CES5A: variants seen among roughly 807,000 people sequenced by gnomAD.
CES5A encodes the protein carboxylesterase 5A, also known as carboxylesterase 5.
CES5A carries 67 observed loss-of-function variants against 62.9 expected under a neutral mutation model. The observed-to-expected ratio is 1.07, with a 90% CI of 0.88 to 1.31. CES5A has a LOEUF of 1.31. CES5A is among the 50% of genes most tolerant of loss of function. The pLI is 0.00. For missense variants in CES5A, 748 were observed against 708.5 expected (o/e 1.06, Z -0.63); for synonymous variants, 296 against 280.8 (o/e 1.05, Z -0.54).
At chr16:55,922,389 T>C (rs1286534903) in intron 1 of CES5A, among the ~76,000 whole-genome samples, 1 of 151,796 alleles carries the variant, frequency 6.6e-6, no homozygotes, top group Non-Finnish European at 1.5e-5. Flanking sequence ...GGAGCAGAAG[T>C]AGTTATACTT....
Position 55,866,846 on chromosome 16 carries a change from TA to T in CES5A, c.552-731del, listed in dbSNP as rs1218821229. Among the ~76,000 whole-genome samples the T allele has an allele frequency of 2.6e-5, 4 of 151,020 alleles. No homozygotes were observed. In the South Asian group the frequency reaches 8.4e-4, roughly 32 times the overall value. ...GAGTGAGGCTCTGTCTCAAAAAAAA[TA>T]AAAATAAAAAAATAAACAAACAAAC... On this transcript the variant is annotated intron_variant, in intron 4 of 12. Coordinates refer to ENST00000290567, the MANE Select transcript of CES5A (RefSeq NM_001143685.2).
At chr16:55,864,589 A>G (rs1299631996) in intron 5 of CES5A, among the ~76,000 whole-genome samples, 5 of 152,234 alleles carry the variant, frequency 3.3e-5, no homozygotes, top group African/African-American at 1.2e-4. Flanking sequence ...TTGATAAAGG[A>G]TGGCTAAAAA....
chr16:55,955,917 C>T, exon 1 of CES5A: 2 of 1,535,792 alleles, frequency 1.3e-6, no homozygotes, highest in African/African-American at 2.7e-5. Flanking sequence ...CACAAAACCT[C>T]AGCATCCCAG....
chr16:55,878,880 CCCA>C (rs1360993311), upstream of CES5A, among the ~76,000 whole-genome samples: 1 of 148,382 alleles, frequency 6.7e-6, no homozygotes, highest in Non-Finnish European at 1.5e-5. Flanking sequence ...CCACTGCACC[CCCA>C]CCATTTAACC....
At chr16:55,864,656 A>G (rs1597119827) in intron 5 of CES5A, among the ~76,000 whole-genome samples, 1 of 152,300 alleles carries the variant, frequency 6.6e-6, no homozygotes, top group South Asian at 2.1e-4. Context: ...GCACTTTGGG[A>G]AGCCAAAGCA....
At chr16:55,859,099 G>A (rs1188858891) in intron 8 of CES5A, among the ~76,000 whole-genome samples, 30 of 152,162 alleles carry the variant, frequency 2.0e-4, no homozygotes, top group African/African-American at 7.2e-4. Flanking sequence ...AAAATAAAAT[G>A]ATTTAACAAT....
Position 55,854,532 on chromosome 16 carries a change from T to TTTTTTTTTTC in CES5A, c.1126-1505_1126-1504insGAAAAAAAAA, listed in dbSNP as rs1555479329. On this transcript the variant is annotated intron_variant, in intron 9 of 12. Coordinates refer to ENST00000290567, the MANE Select transcript of CES5A (RefSeq NM_001143685.2). ...GAGGGATATCTGCCTGTAGTGTTTCTTTTTTTTTTTTCTTTTTTTTTTTTT... is the reference window on the plus strand; with the variant it reads ...GAGGGATATCTGCCTGTAGTGTTTCTTTTTTTTTTCTTTTTTTTTTTCTTTTTTTTTTTTT... Among the ~76,000 whole-genome samples, 239 of 59,124 alleles carry TTTTTTTTTTC rather than the reference T, an allele frequency of 4.0e-3. 2 individuals are homozygous for TTTTTTTTTTC. Among genetic ancestry groups the TTTTTTTTTTC allele is most frequent in the East Asian group, 0.028 (35 of 1,242 alleles). 38.8% of individuals were successfully genotyped at this position (59,124 alleles called of 152,430 possible).
intron 11 of CES5A, among the ~76,000 whole-genome samples, chr16:55,847,613 C>CA: frequency 6.6e-6 from 1 of 152,222 alleles, no homozygotes; most frequent in East Asian, 1.9e-4. Flanking sequence ...CCTTTCTACA[C>CA]ATCTGGCAGG....
In CES5A at chr16:55,862,023, T is replaced by C. The variant is rs1253034921; in HGVS notation, c.811-507A>G. 2.0e-5 allele frequency among the ~76,000 whole-genome samples: 3 copies of C among 152,312 alleles called. No individual in the cohort carries two copies. In the East Asian group the frequency reaches 5.8e-4, roughly 29 times the overall value. Reference sequence around the variant, plus strand: ...GGCCCACTCACAGCCTGGAATGTCCTACCTGTCTTTTTCCCTGCCTCTATA... The same window carrying C: ...GGCCCACTCACAGCCTGGAATGTCCCACCTGTCTTTTTCCCTGCCTCTATA... On this transcript the variant is annotated intron_variant, in intron 6 of 12. Coordinates refer to ENST00000290567, the MANE Select transcript of CES5A (RefSeq NM_001143685.2).
upstream of CES5A, among the ~76,000 whole-genome samples, chr16:55,876,417 G>A (rs1356376323): frequency 6.6e-6 from 1 of 152,154 alleles, no homozygotes; most frequent in Non-Finnish European, 1.5e-5. Context: ...TACAACGAAA[G>A]GGTGGTGTAT....
intron 4 of CES5A, among the ~76,000 whole-genome samples, chr16:55,868,714 G>T (rs2033518413): frequency 6.6e-6 from 1 of 152,062 alleles, no homozygotes; most frequent in Non-Finnish European, 1.5e-5. Flanking sequence ...CATAATCCTG[G>T]CCCCACCTCT....
intron 1 of CES5A, among the ~76,000 whole-genome samples, chr16:55,889,494 A>G (rs1249287377): frequency 6.6e-6 from 1 of 152,176 alleles, no homozygotes; most frequent in Admixed American, 6.5e-5. Flanking sequence ...ATTGGAAAGG[A>G]TATTACAAAG....
At chr16:55,871,844 G>T in intron 2 of CES5A, 81 bp from the exon 3 acceptor site, 1 of 1,498,282 alleles carries the variant, frequency 6.7e-7, no homozygotes, top group South Asian at 1.2e-5. Context: ...CTGACAGCGG[G>T]GAGGCCTGGC....
At chr16:55,896,633 C>A (rs552295294) in intron 1 of CES5A, among the ~76,000 whole-genome samples, 18 of 152,330 alleles carry the variant, frequency 1.2e-4, no homozygotes, top group African/African-American at 4.3e-4. Flanking sequence ...AAGGCTGGGG[C>A]CAGAACCCAG....
intron 1 of CES5A, among the ~76,000 whole-genome samples, chr16:55,954,231 T>C (rs1254087581): frequency 6.6e-6 from 1 of 152,204 alleles, no homozygotes; most frequent in African/African-American, 2.4e-5. Context: ...ATCAAACACC[T>C]GCCTGTTGAT....
intron 1 of CES5A, among the ~76,000 whole-genome samples, chr16:55,890,419 A>C (rs1436373337): frequency 1.3e-5 from 2 of 152,026 alleles, no homozygotes; most frequent in Non-Finnish European, 2.9e-5. Flanking sequence ...GTGGAGGTAA[A>C]TATAGAAGAG....
intron 3 of CES5A, among the ~76,000 whole-genome samples, chr16:55,871,398 A>C (rs2142411239): frequency 6.6e-6 from 1 of 152,354 alleles, no homozygotes; most frequent in Non-Finnish European, 1.5e-5. Flanking sequence ...GGGGAAAACA[A>C]AACAAAATAA....
chr16:55,846,630 G>T lies in CES5A; in HGVS notation c.1549C>A (p.Gln517Lys), dbSNP rs768417250. The T allele has an allele frequency of 6.2e-7, 1 of 1,614,160 alleles. No individual in the cohort carries two copies. The highest frequency in any genetic ancestry group is 8.5e-7 in the Non-Finnish European group (1 of 1,180,010). Residue 517 changes from glutamine to lysine, a missense_variant, in exon 13 of 13, where the codon CAG becomes AAG. Physicochemically the swap from Gln to Lys is moderately conservative, Grantham distance 53 (BLOSUM62 1). Coordinates refer to ENST00000290567, the MANE Select transcript of CES5A (RefSeq NM_001143685.2). The stretch of plus-strand genomic sequence containing the variant: ...ATGTTCAAGTCCAGCTGGAGGTACT[G>T]CTCAGTCAGATTATAAGCTGGCCAC... Reference protein sequence around the residue: ...SLWPAYNLTEQYLQLDLNMSL... With the variant: ...SLWPAYNLTEKYLQLDLNMSL...
At chr16:55,955,819 G>A in intron 1 of CES5A, 1 of 1,535,552 alleles carries the variant, frequency 6.5e-7, no homozygotes, top group Non-Finnish European at 8.7e-7. Context: ...GGTCCAGGCA[G>A]TAGCACCCTG....
Sources: allele counts gnomAD v4.1 joint callset (sites outside exome capture counted in the v4.1 genomes callset), GRCh38; gene constraint gnomAD v4.1.1; transcripts MANE v1.5; gene names NCBI Gene and HGNC (gene_info 2026-07-23, HGNC 2026-07-21).